The following NALF1 variants were observed in gnomAD, a reference collection of about 807,000 sequenced individuals.
NALF1 encodes the protein NALCN channel auxiliary factor 1.
In NALF1, 3 loss-of-function variants were observed where a neutral mutation model predicts 48.4. The ratio of observed to expected loss-of-function variants is 0.06; its 90% CI spans 0.03 to 0.16. The LOEUF is 0.16. Among genes scored for constraint, NALF1 ranks in the 10% least tolerant of loss-of-function variants. The pLI, the probability that NALF1 is intolerant of heterozygous loss-of-function variation, is 1.00. For missense variants in NALF1, 526 were observed against 571.5 expected (o/e 0.92, Z 0.81); for synonymous variants, 262 against 245.7 (o/e 1.07, Z -0.62).
At chr13:107,676,866 T>C (rs4772905) in intron 1 of NALF1, among the ~76,000 whole-genome samples, 109,642 of 151,906 alleles carry the variant, frequency 0.72, 39,928 homozygotes, top group African/African-American at 0.82. Flanking sequence ...CTCAATAAAG[T>C]CAAAGAAACG....
At chr13:107,491,437 G>A (rs1382123747) in intron 1 of NALF1, among the ~76,000 whole-genome samples, 1 of 150,622 alleles carries the variant, frequency 6.6e-6, no homozygotes, top group Non-Finnish European at 1.5e-5. Context: ...GGTGTTTGGA[G>A]AGTTCGGGCT....
At chr13:107,570,584 T>TTA (rs1370452485) in intron 1 of NALF1, among the ~76,000 whole-genome samples, 1 of 147,724 alleles carries the variant, frequency 6.8e-6, no homozygotes, top group Non-Finnish European at 1.5e-5. Context: ...TTATTTTATT[T>TTA]TATTATTATT....
intron 1 of NALF1, among the ~76,000 whole-genome samples, chr13:107,353,679 T>C (rs939384480): frequency 2.6e-5 from 4 of 152,208 alleles, no homozygotes; most frequent in African/African-American, 4.8e-5. Context: ...GTGGCTGACA[T>C]AACTGTGAGA....
At chr13:107,699,898 C>T (rs980269563) in intron 1 of NALF1, among the ~76,000 whole-genome samples, 1 of 151,720 alleles carries the variant, frequency 6.6e-6, no homozygotes, top group East Asian at 1.9e-4. Context: ...AGAAACAATC[C>T]CATTTATAAT....
intron 2 of NALF1, among the ~76,000 whole-genome samples, chr13:107,199,513 G>A (rs1243292695): frequency 1.3e-5 from 2 of 152,078 alleles, no homozygotes; most frequent in African/African-American, 2.4e-5. Flanking sequence ...ACATTCTGGG[G>A]TGCTGGGGGT....
intron 1 of NALF1, among the ~76,000 whole-genome samples, chr13:107,326,478 C>A (rs532820822): frequency 6.6e-6 from 1 of 152,238 alleles, no homozygotes; most frequent in South Asian, 2.1e-4. Flanking sequence ...TTAATTAATT[C>A]TTAGACCAAT....
chr13:107,465,310 T>A (rs1049357546), intron 1 of NALF1, among the ~76,000 whole-genome samples: 2 of 56,026 alleles, frequency 3.6e-5, no homozygotes, highest in Non-Finnish European at 7.9e-5. Flanking sequence ...TCAAACTGTA[T>A]AATTATATAT....
chr13:107,789,864 C>T (rs1878181072), intron 1 of NALF1, among the ~76,000 whole-genome samples: 1 of 152,074 alleles, frequency 6.6e-6, no homozygotes, highest in East Asian at 1.9e-4. Context: ...ACTTGTCAAC[C>T]AACTATTATG....
At chr13:107,854,562 C>T (rs538347995) in intron 1 of NALF1, among the ~76,000 whole-genome samples, 1 of 152,184 alleles carries the variant, frequency 6.6e-6, no homozygotes, top group Admixed American at 6.5e-5. Flanking sequence ...AAATTTATTA[C>T]CCATGCCTTT....
At chr13:107,722,262 C>A (rs1246446784) in intron 1 of NALF1, among the ~76,000 whole-genome samples, 3 of 152,134 alleles carry the variant, frequency 2.0e-5, no homozygotes, top group African/African-American at 4.8e-5. Flanking sequence ...TTTCTCCCTT[C>A]TTTAAGGGAG....
At chr13:107,803,474 A>T (rs1878682849) in intron 1 of NALF1, among the ~76,000 whole-genome samples, 1 of 152,168 alleles carries the variant, frequency 6.6e-6, no homozygotes, top group African/African-American at 2.4e-5. Context: ...AAAAAATGGC[A>T]TCATAATATT....
intron 1 of NALF1, among the ~76,000 whole-genome samples, chr13:107,217,745 C>G (rs1347763301): frequency 1.3e-5 from 2 of 152,250 alleles, no homozygotes; most frequent in Admixed American, 6.5e-5. Context: ...AGCTCTATGT[C>G]TGCCCAAATC....
intron 1 of NALF1, among the ~76,000 whole-genome samples, chr13:107,245,041 C>T (rs1192063800): frequency 6.6e-6 from 1 of 152,092 alleles, no homozygotes; most frequent in Non-Finnish European, 1.5e-5. Flanking sequence ...TATAGAGTAG[C>T]TATTACAATA....
At chr13:107,178,474 C>T (rs373329738) in intron 2 of NALF1, among the ~76,000 whole-genome samples, 369 of 152,258 alleles carry the variant, frequency 2.4e-3, no homozygotes, top group South Asian at 4.8e-3. Context: ...AATTGATCAT[C>T]AGAGAAATGC....
At chr13:107,498,451 T>C (rs2139075642) in intron 1 of NALF1, among the ~76,000 whole-genome samples, 1 of 152,308 alleles carries the variant, frequency 6.6e-6, no homozygotes, top group African/African-American at 2.4e-5. Context: ...TTTGGATTCC[T>C]AAAAGTCAAT....
intron 1 of NALF1, among the ~76,000 whole-genome samples, chr13:107,306,446 G>A (rs1881938008): frequency 1.3e-5 from 2 of 152,096 alleles, no homozygotes; most frequent in Admixed American, 6.5e-5. Flanking sequence ...TGATGATTTG[G>A]TATTAATAAT....
At chr13:107,229,517 C>T (rs985496158) in intron 1 of NALF1, among the ~76,000 whole-genome samples, 7 of 152,118 alleles carry the variant, frequency 4.6e-5, no homozygotes, top group African/African-American at 9.7e-5. Context: ...GGGACGCCTT[C>T]GGCTCAGCTG....
At chr13:107,727,578 T>C (rs551568613) in intron 1 of NALF1, among the ~76,000 whole-genome samples, 4 of 152,172 alleles carry the variant, frequency 2.6e-5, no homozygotes, top group Admixed American at 1.3e-4. Flanking sequence ...CTTCTAAACC[T>C]GAAGAAAACC....
rs77510003 is a variant in NALF1, at chr13:107,485,216, C to A, written c.916-274461G>T. ...TCTGTGATTGTTTTGGAGATGAAGACAGTGCCTTTCACAGTTGCCTCTCTT... is the reference window on the plus strand; with the variant it reads ...TCTGTGATTGTTTTGGAGATGAAGAAAGTGCCTTTCACAGTTGCCTCTCTT... On this transcript the variant is annotated intron_variant, in intron 1 of 2. Transcript: ENST00000375915. Among the ~76,000 whole-genome samples, 959 of 152,260 alleles carry A rather than the reference C, an allele frequency of 6.3e-3. 34 individuals carry two copies. The East Asian group carries it at 0.11, about 17-fold the overall frequency.
Sources: gnomAD v4.1 joint callset for allele counts (sites outside exome capture counted in the v4.1 genomes callset) on GRCh38, gnomAD v4.1.1 for gene constraint, MANE v1.5 for transcripts, NCBI Gene and HGNC (gene_info 2026-07-23, HGNC 2026-07-21) for gene names.